Variants in CPB1 observed in about 807,000 individuals in gnomAD.
The protein encoded by CPB1 is carboxypeptidase B1, also known as carboxypeptidase B.
Under a neutral mutation model 51.4 loss-of-function variants are expected in CPB1, and 53 were observed. That is an observed-to-expected ratio of 1.03 (90% confidence interval 0.83 to 1.30). The LOEUF is 1.30. Ranked by LOEUF, CPB1 falls within the 50% of genes most tolerant of loss-of-function variation. The pLI, the probability that CPB1 is intolerant of heterozygous loss-of-function variation, is 0.00. For synonymous variants in CPB1, 189 were observed against 186.9 expected (o/e 1.01, Z -0.09); for missense variants, 494 against 516.2 (o/e 0.96, Z 0.42).
At chr3:148,833,620 C>T (rs1220322256) in intron 2 of CPB1, among the ~76,000 whole-genome samples, 3 of 152,090 alleles carry the variant, frequency 2.0e-5, no homozygotes, top group African/African-American at 7.2e-5. Flanking sequence ...TGACCTCAGA[C>T]TTCTAGGCTT....
intron 9 of CPB1, chr3:148,854,046 C>T (rs994632111): frequency 2.0e-5 from 3 of 152,154 alleles, no homozygotes; most frequent in African/African-American, 4.8e-5. Flanking sequence ...TCTGCTGTGT[C>T]GTTGCTTCTT....
chr3:148,829,771 C>T (rs900737079), intron 2 of CPB1, among the ~76,000 whole-genome samples: 4 of 152,234 alleles, frequency 2.6e-5, no homozygotes, highest in East Asian at 3.9e-4. Flanking sequence ...GCCTTCTTTA[C>T]GTTTCACTCA....
intron 3 of CPB1, among the ~76,000 whole-genome samples, chr3:148,836,881 A>G (rs3772602): frequency 0.37 from 55,604 of 152,026 alleles, 11,192 homozygotes; most frequent in Middle Eastern, 0.45. Flanking sequence ...GTGTTTGTAT[A>G]TAACAAGAGC....
chr3:148,832,980 T>A (rs1255175918), intron 2 of CPB1, among the ~76,000 whole-genome samples: 6 of 152,182 alleles, frequency 3.9e-5, no homozygotes, highest in Non-Finnish European at 8.8e-5. Context: ...CACCATAGAA[T>A]GACAGGTGTT....
chr3:148,851,318 G>C (rs1434639834), intron 9 of CPB1: 1 of 107,448 alleles, frequency 9.3e-6, no homozygotes, highest in African/African-American at 3.8e-5. Context: ...CTGGGTGACA[G>C]AGCAAGACCC....
At chr3:148,845,684 C>T in intron 9 of CPB1, 58 bp downstream of exon 9, 1 of 1,363,190 alleles carries the variant, frequency 7.3e-7, no homozygotes, top group Non-Finnish European at 1.0e-6. Flanking sequence ...AAATTCTAAT[C>T]CTGAAAAAAA....
chr3:148,844,858 C>T (rs981352712), intron 8 of CPB1, 91 bp downstream of exon 8: 33 of 1,151,204 alleles, frequency 2.9e-5, no homozygotes, highest in Admixed American at 6.9e-5. Context: ...ATAAAAAAAG[C>T]AAGTTTTATA....
intron 8 of CPB1, 130 bp downstream of exon 8, chr3:148,844,897 C>CAAAAA: frequency 1.6e-6 from 1 of 609,856 alleles, no homozygotes; most frequent in African/African-American, 2.0e-5. Context: ...CTAAAAGCAC[C>CAAAAA]AAAAAAAAAA....
chr3:148,843,782 A>G (rs1356121766), intron 6 of CPB1, among the ~76,000 whole-genome samples: 1 of 152,182 alleles, frequency 6.6e-6, no homozygotes, highest in East Asian at 1.9e-4. Flanking sequence ...CTACGAGAAC[A>G]TATTAAATGG....
rs1372252583 is a variant in CPB1 at position 148,859,833 on chromosome 3, C to CT, written c.1086dup (p.Asp363Ter). On this transcript the variant is annotated frameshift_variant, in exon 11 of 11. Transcript: ENST00000282957. LOFTEE classifies it high-confidence loss of function. The stretch of plus-strand genomic sequence containing the variant: ...ATTTCAGATCCTGCTGCTGGGGGCT[C>CT]TGACGACTGGGCTTATGACCAAGGA... 1 of 1,613,438 alleles carries CT rather than the reference C, an allele frequency of 6.2e-7. No individual in the cohort carries two copies. The highest frequency in any genetic ancestry group is 8.5e-7 in the Non-Finnish European group (1 of 1,179,620).
At chr3:148,853,362 G>A (rs1355836100) in intron 9 of CPB1, among the ~76,000 whole-genome samples, 1 of 152,086 alleles carries the variant, frequency 6.6e-6, no homozygotes, top group Non-Finnish European at 1.5e-5. Flanking sequence ...TCATATATTC[G>A]ATGGGAATGC....
At chr3:148,835,101 ATCTCTAATGGTAG>A (rs1469765260) in intron 3 of CPB1, among the ~76,000 whole-genome samples, 5 of 152,122 alleles carry the variant, frequency 3.3e-5, no homozygotes, top group Non-Finnish European at 5.9e-5. Flanking sequence ...TCCCACCACT[ATCTCTAATGGTAG>A]GAGAAGGCAT....
intron 3 of CPB1, among the ~76,000 whole-genome samples, chr3:148,835,808 C>T (rs1055291316): frequency 2.0e-5 from 3 of 152,114 alleles, no homozygotes; most frequent in East Asian, 1.9e-4. Flanking sequence ...TTGTTTTTCA[C>T]GTCTTAAAAA....
intron 8 of CPB1, among the ~76,000 whole-genome samples, chr3:148,845,188 G>A (rs535516919): frequency 6.6e-6 from 1 of 152,012 alleles, no homozygotes; most frequent in African/African-American, 2.4e-5. Flanking sequence ...AATACTACAC[G>A]GAGACACATT....
intron 3 of CPB1, among the ~76,000 whole-genome samples, chr3:148,835,573 A>C (rs1712880951): frequency 6.6e-6 from 1 of 152,144 alleles, no homozygotes; most frequent in Non-Finnish European, 1.5e-5. Flanking sequence ...AGTGGGAGAG[A>C]CCATGCTAAC....
At chr3:148,843,863 A>G (rs1713158308) in intron 6 of CPB1, among the ~76,000 whole-genome samples, 1 of 152,134 alleles carries the variant, frequency 6.6e-6, no homozygotes. Context: ...TCCCTTCTTG[A>G]GAAAGACAAC....
At chr3:148,843,169 T>C (rs535198661) in intron 6 of CPB1, among the ~76,000 whole-genome samples, 1 of 152,170 alleles carries the variant, frequency 6.6e-6, no homozygotes, top group Non-Finnish European at 1.5e-5. Context: ...ACTTGTGAAA[T>C]CTGAATAAAG....
intron 9 of CPB1, among the ~76,000 whole-genome samples, chr3:148,850,334 C>T (rs1713387583): frequency 6.6e-6 from 1 of 152,124 alleles, no homozygotes; most frequent in African/African-American, 2.4e-5. Flanking sequence ...CGGAGTCTCG[C>T]TCTATCACCC....
In CPB1 at chr3:148,844,101, A is replaced by ACT. The variant is rs1236060744; in HGVS notation, c.577-377_577-376insCT. ...ACACGTCTTACTTACTAGAACTAGTAAGTTCTATACCTTACTTACACTTAT... is the reference window on the plus strand; with the variant it reads ...ACACGTCTTACTTACTAGAACTAGTACTAGTTCTATACCTTACTTACACTTAT... On this transcript the variant is annotated intron_variant, in intron 6 of 10. Coordinates refer to ENST00000282957, the MANE Select transcript of CPB1 (RefSeq NM_001871.3). Among the ~76,000 whole-genome samples, 10 of 152,304 alleles carry ACT rather than the reference A, an allele frequency of 6.6e-5. No individual in the cohort carries two copies. In the South Asian group the frequency reaches 1.0e-3, roughly 16 times the overall value.
Sources: allele counts gnomAD v4.1 joint callset (sites outside exome capture counted in the v4.1 genomes callset), GRCh38; gene constraint gnomAD v4.1.1; transcripts MANE v1.5; gene names NCBI Gene and HGNC (gene_info 2026-07-23, HGNC 2026-07-21).